SLC35F4: variants seen among roughly 807,000 people sequenced by gnomAD.
SLC35F4 encodes chromosome 14 open reading frame 36.
In SLC35F4, 24 loss-of-function variants were observed where a neutral mutation model predicts 44.2. The observed-to-expected ratio is 0.54, with a 90% CI of 0.39 to 0.76. The LOEUF (loss-of-function observed/expected upper bound fraction) is 0.76, where lower values mean the gene tolerates loss of function less well. Ranked by LOEUF, SLC35F4 falls within the 30% of genes least tolerant of loss-of-function variation. The probability of loss-of-function intolerance (pLI) is 0.00; values close to 1 mark genes in which losing one functional copy is unlikely to be tolerated. For missense variants in SLC35F4, 562 were observed against 586.1 expected (o/e 0.96, Z 0.42); for synonymous variants, 238 against 223.6 (o/e 1.06, Z -0.57).
chr14:57,748,441 G>A (rs895695077), intron 1 of SLC35F4, among the ~76,000 whole-genome samples: 1 of 152,002 alleles, frequency 6.6e-6, no homozygotes, highest in Non-Finnish European at 1.5e-5. Flanking sequence ...TTTTTTAAAG[G>A]TATGATTCAG....
intron 1 of SLC35F4, among the ~76,000 whole-genome samples, chr14:57,608,279 A>C (rs1209888163): frequency 6.6e-6 from 1 of 152,222 alleles, no homozygotes; most frequent in Non-Finnish European, 1.5e-5. Context: ...CCTTATTTAG[A>C]GATAACACCT....
intron 1 of SLC35F4, among the ~76,000 whole-genome samples, chr14:57,633,022 G>A (rs1490342757): frequency 6.6e-6 from 1 of 151,960 alleles, no homozygotes; most frequent in Non-Finnish European, 1.5e-5. Context: ...TTTTCACTTA[G>A]TAATGTGCAT....
At chr14:57,736,422 G>A (rs1012585150) in intron 1 of SLC35F4, among the ~76,000 whole-genome samples, 2 of 152,146 alleles carry the variant, frequency 1.3e-5, no homozygotes, top group Non-Finnish European at 2.9e-5. Flanking sequence ...TACTGCACAG[G>A]AGGGCCTGTA....
chr14:57,919,157 C>A (rs888234155), intron 1 of SLC35F4, among the ~76,000 whole-genome samples: 1 of 152,118 alleles, frequency 6.6e-6, no homozygotes, highest in East Asian at 1.9e-4. Context: ...GTCTGAATTA[C>A]CCTAAGTAAG....
chr14:57,682,051 T>C (rs763246355), intron 1 of SLC35F4, among the ~76,000 whole-genome samples: 1 of 152,080 alleles, frequency 6.6e-6, no homozygotes, highest in Non-Finnish European at 1.5e-5. Flanking sequence ...TTGGTTAGAG[T>C]GTAAATTAGT....
chr14:57,895,277 C>A (rs1888848164), intron 1 of SLC35F4, among the ~76,000 whole-genome samples: 1 of 152,112 alleles, frequency 6.6e-6, no homozygotes, highest in Non-Finnish European at 1.5e-5. Context: ...CCAGAAACTC[C>A]ATGTATTATT....
At chr14:57,897,320 T>C (rs993504313) in intron 1 of SLC35F4, among the ~76,000 whole-genome samples, 1 of 152,026 alleles carries the variant, frequency 6.6e-6, no homozygotes, top group African/African-American at 2.4e-5. Flanking sequence ...CCTGCAATTC[T>C]ATTAAACTGT....
chr14:57,758,837 G>A (rs7154287), intron 1 of SLC35F4, among the ~76,000 whole-genome samples: 6 of 151,968 alleles, frequency 3.9e-5, no homozygotes, highest in Non-Finnish European at 4.4e-5. Context: ...ATCTCTAGAA[G>A]CTATTCTTCT....
intron 1 of SLC35F4, among the ~76,000 whole-genome samples, chr14:57,896,944 A>T (rs1888885703): frequency 6.6e-6 from 1 of 151,094 alleles, no homozygotes; most frequent in Non-Finnish European, 1.5e-5. Context: ...TTTTTTCCAC[A>T]TTCATTCTGC....
In SLC35F4 at chr14:57,932,169, A is replaced by G. The variant is rs192264012; in HGVS notation, n.282+49744T>C. On this transcript the variant is annotated intron_variant and non_coding_transcript_variant, in intron 1 of 1. Transcript: ENST00000556568. Reference sequence around the variant, plus strand: ...ACAAAAACTGTACCATCAGCTTGCTAGAGTTTAGTGAGGTTATTTGGAGTG... The same window carrying G: ...ACAAAAACTGTACCATCAGCTTGCTGGAGTTTAGTGAGGTTATTTGGAGTG... Among the ~76,000 whole-genome samples the G allele has an allele frequency of 1.7e-3, 261 of 152,282 alleles. 1 individual carries two copies. The highest frequency in any genetic ancestry group is 1.0e-3 in the Non-Finnish European group (69 of 68,026).
intron 1 of SLC35F4, among the ~76,000 whole-genome samples, chr14:57,736,956 T>C (rs1004904109): frequency 1.1e-4 from 16 of 152,064 alleles, no homozygotes; most frequent in African/African-American, 3.9e-4. Context: ...CTGTTTTTTT[T>C]CTATAAATCA....
intron 1 of SLC35F4, among the ~76,000 whole-genome samples, chr14:57,898,722 G>C (rs1888937162): frequency 1.3e-5 from 2 of 152,140 alleles, no homozygotes; most frequent in South Asian, 4.1e-4. Context: ...GAGCCCTATT[G>C]CTTTTTAACA....
At chr14:57,966,926 C>T (rs994032745) in intron 1 of SLC35F4, among the ~76,000 whole-genome samples, 58 of 151,964 alleles carry the variant, frequency 3.8e-4, no homozygotes, top group African/African-American at 1.4e-3. Context: ...AGGAGAATCG[C>T]TTGAACCCAG....
At position 57,788,002 on chromosome 14, in the gene SLC35F4, C is replaced by A. The variant is rs2077811043; in HGVS notation, c.103+77721G>T. 2.6e-5 allele frequency among the ~76,000 whole-genome samples: 4 copies of A among 152,276 alleles called. No individual in the cohort carries two copies. In the South Asian group the frequency reaches 8.3e-4, roughly 32 times the overall value. On this transcript the variant is annotated intron_variant, in intron 1 of 7. Transcript: ENST00000556826. ...TGCAGAATGGATAAGAACTCACCAA[C>A]CAACTATCTGCTCCCTTAGGAGACT...
chr14:57,959,860 C>G (rs973292373), intron 1 of SLC35F4, among the ~76,000 whole-genome samples: 1 of 152,136 alleles, frequency 6.6e-6, no homozygotes, highest in Non-Finnish European at 1.5e-5. Context: ...TAAGACTCTT[C>G]CAGGCTTTTA....
At chr14:57,668,770 TCCA>T (rs2074407244) in intron 1 of SLC35F4, among the ~76,000 whole-genome samples, 1 of 152,138 alleles carries the variant, frequency 6.6e-6, no homozygotes, top group South Asian at 2.1e-4. Flanking sequence ...GCATGATGCC[TCCA>T]GCTTTGTTCT....
rs540123588 is a variant in SLC35F4, at chr14:57,688,236, A to G, written c.104-94112T>C. On this transcript the variant is annotated intron_variant, in intron 1 of 7. Transcript: ENST00000556826. ...ACAGACAGAGACTGAGAGATAGAGG[A>G]AAAAAAAAGGTATTGGTTAATTTTT... Among the ~76,000 whole-genome samples, 52 of 151,052 alleles carry G rather than the reference A, an allele frequency of 3.4e-4. 1 individual carries two copies. Among genetic ancestry groups the G allele is most frequent in the East Asian group, 1.6e-3 (8 of 5,114 alleles).
chr14:57,711,017 T>C (rs1348903793), intron 1 of SLC35F4, among the ~76,000 whole-genome samples: 1 of 151,992 alleles, frequency 6.6e-6, no homozygotes, highest in Non-Finnish European at 1.5e-5. Context: ...TGGGAGGGGC[T>C]AGAGTGGAAT....
At chr14:57,774,323 C>G (rs4901816) in intron 1 of SLC35F4, among the ~76,000 whole-genome samples, 75,383 of 152,042 alleles carry the variant, frequency 0.5, 22,063 homozygotes, top group African/African-American at 0.8. Context: ...CACTCTCACC[C>G]TGAGCCTCTG....
Sources: gnomAD v4.1 joint callset for allele counts (sites outside exome capture counted in the v4.1 genomes callset) on GRCh38, gnomAD v4.1.1 for gene constraint, MANE v1.5 for transcripts, NCBI Gene and HGNC (gene_info 2026-07-23, HGNC 2026-07-21) for gene names.